Variants in FBXW4 observed in about 807,000 individuals in gnomAD.
FBXW4 encodes F-box/WD repeat-containing protein 4.
Under a neutral mutation model 61.8 loss-of-function variants are expected in FBXW4, and 40 were observed. That is an observed-to-expected ratio of 0.65 (90% CI 0.50 to 0.84). FBXW4 has a LOEUF of 0.84. FBXW4 is among the 40% of genes least tolerant of loss of function. The pLI is 0.00. For missense variants in FBXW4, 672 were observed against 753.8 expected, an observed-to-expected ratio of 0.89 and a Z score of 1.27; for synonymous variants, 311 against 313.8, an observed-to-expected ratio of 0.99 and a Z score of 0.10.
chr10:101,611,534 T>C lies in FBXW4; in HGVS notation c.1584+94A>G. 6.3e-7 allele frequency: 1 copy of C among 1,576,524 alleles called. No homozygotes were observed. The highest frequency in any genetic ancestry group is 2.3e-5 in the East Asian group (1 of 44,416). On this transcript the variant is annotated intron_variant, in intron 8 of 8. Transcript: ENST00000331272. This position sits in a 1 kb window ranked among gnomAD's most constrained non-coding sequence, Gnocchi z 4.9. ...CCATTGTAGGCTTCTTCCAACCCTT[T>C]CTAGGCACGTCCTTGGCTACCTCAC...
intron 1 of FBXW4, among the ~76,000 whole-genome samples, chr10:101,682,447 T>C (rs1370195001): frequency 2.0e-5 from 3 of 152,166 alleles, no homozygotes; most frequent in African/African-American, 2.4e-5. Context: ...CCCTGTCTGC[T>C]CCTCGTATCT....
chr10:101,673,871 G>A (rs1378020790), intron 2 of FBXW4, among the ~76,000 whole-genome samples, 198 bp from the exon 3 acceptor site: 1 of 152,140 alleles, frequency 6.6e-6, no homozygotes, highest in African/African-American at 2.4e-5. Context: ...GCCTTGTGGT[G>A]ATCTAAACTT....
chr10:101,611,442 C>A lies in FBXW4; in HGVS notation c.1585-32G>T. On this transcript the variant is annotated intron_variant, in intron 8 of 8. Transcript: ENST00000331272. The surrounding 1 kb of genome is among the most constrained non-coding windows in gnomAD (Gnocchi z 4.9). ...GGGAGGGCACAGGAAGTGGTAAGAG[C>A]TTTCCAAGTGGGACATGGGTGTGCC... 6.2e-7 allele frequency: 1 copy of A among 1,605,892 alleles called. No homozygotes were observed. The highest frequency in any genetic ancestry group is 8.5e-7 in the Non-Finnish European group (1 of 1,175,730).
chr10:101,657,940 T>C (rs952897743), intron 5 of FBXW4, among the ~76,000 whole-genome samples: 2 of 152,210 alleles, frequency 1.3e-5, no homozygotes, highest in Non-Finnish European at 2.9e-5. Flanking sequence ...ATTCTACTAG[T>C]GTACAACATG....
In FBXW4 at chr10:101,667,950, G is replaced by T; in HGVS notation, c.1171C>A (p.Gln391Lys). The change falls in exon 5 of 9, where the codon CAG becomes AAG. Residue 391 changes from glutamine to lysine, a missense_variant. By Grantham distance (53) the Gln-to-Lys change is moderately conservative. Transcript: ENST00000331272. ...TCAGTCTGGATGGTGTGTAAGCACT[G>T]CCCCAGCCGGCCTGAGGCCAAAGGC... ...VWPLASGRLG[Q>K]CLHTIQTEDR... is the part of the protein sequence containing the mutation. 1.2e-6 allele frequency: 2 copies of T among 1,614,200 alleles called. No individual in the cohort carries two copies. The highest frequency in any genetic ancestry group is 1.7e-6 in the Non-Finnish European group (2 of 1,179,994).
rs34463792 is a variant in FBXW4, at chr10:101,637,699, CAAAAAA to C, written c.1236-12895_1236-12890del. Among the ~76,000 whole-genome samples the C allele has an allele frequency of 7.1e-4, 58 of 82,024 alleles. 1 individual carries two copies. The highest frequency in any genetic ancestry group is 4.0e-4 in the Non-Finnish European group (18 of 45,194). The allele number at this position is 82,024 out of a possible 152,430, so 53.8% of individuals were successfully genotyped here. ...TGGGTGACAAAGCAAGATCCTGTCT[CAAAAAA>C]AAAAAAAAAAAAAAAAAGGTCACTA... is the stretch of plus-strand genomic sequence containing the variant. On this transcript the variant is annotated intron_variant, in intron 5 of 8. Transcript: ENST00000331272.
intron 5 of FBXW4, among the ~76,000 whole-genome samples, chr10:101,646,658 C>G (rs2064101215): frequency 6.6e-6 from 1 of 152,182 alleles, no homozygotes; most frequent in African/African-American, 2.4e-5. Flanking sequence ...CTTCCTTCTT[C>G]CCTGGGTTTC....
At chr10:101,629,952 C>T (rs1589747402) in intron 5 of FBXW4, among the ~76,000 whole-genome samples, 2 of 152,336 alleles carry the variant, frequency 1.3e-5, no homozygotes, top group Middle Eastern at 6.8e-3. Context: ...TGCCCCGTGG[C>T]TGGCCTAGAG....
intron 5 of FBXW4, among the ~76,000 whole-genome samples, chr10:101,652,832 G>A (rs1328725963): frequency 6.6e-6 from 1 of 152,178 alleles, no homozygotes; most frequent in Non-Finnish European, 1.5e-5. Flanking sequence ...ACTCTGGCTG[G>A]CTGATCTACT....
intron 6 of FBXW4, among the ~76,000 whole-genome samples, chr10:101,618,273 C>A (rs2063841018): frequency 6.6e-6 from 1 of 152,218 alleles, no homozygotes; most frequent in African/African-American, 2.4e-5. Context: ...ACCAGGTGGC[C>A]CTTATCAGTG....
At chr10:101,634,209 AC>A (rs1475995191) in intron 5 of FBXW4, among the ~76,000 whole-genome samples, 2 of 151,718 alleles carry the variant, frequency 1.3e-5, no homozygotes, top group African/African-American at 2.4e-5. Context: ...AACAAAAAAA[AC>A]AAGAGAAAAA....
chr10:101,612,607 C>T lies in FBXW4; in HGVS notation c.1302-130G>A, dbSNP rs766302639. The stretch of plus-strand genomic sequence containing the variant: ...CTAGAATGAGACTCAAGGAAGGGGG[C>T]TCAGGGAGGAGATGCCCAATTCCTA... On this transcript the variant is annotated intron_variant, in intron 6 of 8. Transcript: ENST00000331272. 4.8e-5 allele frequency: 53 copies of T among 1,100,368 alleles called. 1 individual carries two copies. The highest frequency in any genetic ancestry group is 5.5e-5 in the Non-Finnish European group (45 of 824,866). The allele number at this position is 1,100,368 out of a possible 1,614,324, so 68.2% of individuals were successfully genotyped here.
At chr10:101,619,227 A>G (rs2063849005) in intron 6 of FBXW4, among the ~76,000 whole-genome samples, 1 of 152,162 alleles carries the variant, frequency 6.6e-6, no homozygotes, top group Admixed American at 6.5e-5. Flanking sequence ...GGAGTTAGGG[A>G]ATGGGCTTGA....
chr10:101,662,519 C>G lies in FBXW4; in HGVS notation c.1235+5367G>C, dbSNP rs1032775996. ...TGTATATTTAATAACACAGCTAAGT[C>G]AAGTTTCTACACCTATACCACTCAT... On this transcript the variant is annotated intron_variant, in intron 5 of 8. Coordinates refer to ENST00000331272, the MANE Select transcript of FBXW4 (RefSeq NM_022039.4). Among the ~76,000 whole-genome samples, 7 of 152,172 alleles carry G rather than the reference C, an allele frequency of 4.6e-5. No individual in the cohort carries two copies. In the East Asian group the frequency reaches 1.3e-3, roughly 29 times the overall value.
intron 1 of FBXW4, among the ~76,000 whole-genome samples, chr10:101,690,509 T>A (rs1337236778): frequency 6.6e-6 from 1 of 152,188 alleles, no homozygotes; most frequent in Non-Finnish European, 1.5e-5. Context: ...TAGTGTTCAC[T>A]GTTCGGGCAA....
intron 1 of FBXW4, among the ~76,000 whole-genome samples, chr10:101,678,448 C>T (rs548804151): frequency 5.9e-5 from 9 of 152,254 alleles, no homozygotes; most frequent in South Asian, 4.2e-4. Flanking sequence ...TTTTTTGAGA[C>T]GGAGTCTCGC....
intron 5 of FBXW4, among the ~76,000 whole-genome samples, chr10:101,633,173 A>T (rs1464720192): frequency 6.6e-6 from 1 of 152,258 alleles, no homozygotes; most frequent in Admixed American, 6.5e-5. Flanking sequence ...GGAAGTATAA[A>T]TTAGTTCAAC....
At chr10:101,657,529 G>C (rs1325524366) in intron 5 of FBXW4, among the ~76,000 whole-genome samples, 3 of 151,760 alleles carry the variant, frequency 2.0e-5, no homozygotes, top group Non-Finnish European at 2.9e-5. Flanking sequence ...AGCTACTTGG[G>C]GGGCTGAGGC....
At chr10:101,635,289 A>C (rs2063991312) in intron 5 of FBXW4, among the ~76,000 whole-genome samples, 1 of 150,232 alleles carries the variant, frequency 6.7e-6, no homozygotes, top group South Asian at 2.1e-4. Context: ...AACAAGCTCA[A>C]GGCTCCCACT....
Sources: gnomAD v4.1 joint callset for allele counts (sites outside exome capture counted in the v4.1 genomes callset) on GRCh38, gnomAD v4.1.1 for gene constraint, Gnocchi (gnomAD v3.1) non-coding constraint, MANE v1.5 for transcripts, NCBI Gene and HGNC (gene_info 2026-07-23, HGNC 2026-07-21) for gene names.